TBL1XR1: variants seen among roughly 807,000 people sequenced by gnomAD.
TBL1XR1 encodes the protein F-box-like/WD repeat-containing protein TBL1XR1.
Under a neutral mutation model 66.9 loss-of-function variants are expected in TBL1XR1, and 5 were observed. That is an observed-to-expected ratio of 0.07 (90% confidence interval 0.04 to 0.16). The LOEUF is 0.16. Ranked by LOEUF, TBL1XR1 falls within the 10% of genes least tolerant of loss-of-function variation. The pLI is 1.00. For synonymous variants in TBL1XR1, 210 were observed against 206.0 expected (o/e 1.02, Z -0.17); for missense variants, 238 against 623.2 (o/e 0.38, Z 6.58).
At chr3:177,035,438 G>T (rs7631433) in intron 12 of TBL1XR1, among the ~76,000 whole-genome samples, 1 of 142,928 alleles carries the variant, frequency 7.0e-6, no homozygotes, top group African/African-American at 2.6e-5. Flanking sequence ...TTTTGGAGAT[G>T]AAGTCTCACT....
At chr3:177,052,200 A>C (rs997060170) in intron 4 of TBL1XR1, among the ~76,000 whole-genome samples, 1 of 152,274 alleles carries the variant, frequency 6.6e-6, no homozygotes, top group African/African-American at 2.4e-5. Context: ...AACAGACTTC[A>C]TGGGGCTATA....
chr3:177,143,466 TGTAA>T (rs1480307448), intron 1 of TBL1XR1, among the ~76,000 whole-genome samples: 1 of 152,208 alleles, frequency 6.6e-6, no homozygotes, highest in Non-Finnish European at 1.5e-5. Context: ...TTGTAAATGC[TGTAA>T]GTTTTTTACA....
At chr3:177,122,003 G>C (rs1727031602) in intron 1 of TBL1XR1, among the ~76,000 whole-genome samples, 1 of 152,102 alleles carries the variant, frequency 6.6e-6, no homozygotes, top group Non-Finnish European at 1.5e-5. Flanking sequence ...AATACATTTA[G>C]GATGATCCCA....
intron 10 of TBL1XR1, among the ~76,000 whole-genome samples, chr3:177,043,729 A>G (rs989242439): frequency 6.6e-6 from 1 of 152,028 alleles, no homozygotes. Context: ...AATTTACTGT[A>G]CTTCTGTTTA....
chr3:177,132,769 TAC>T (rs1174063971), intron 1 of TBL1XR1, among the ~76,000 whole-genome samples: 7 of 152,124 alleles, frequency 4.6e-5, no homozygotes, highest in African/African-American at 1.7e-4. Flanking sequence ...TAAGGGTGGC[TAC>T]AGAGTGGCAA....
chr3:177,134,945 C>CTGTGTG (rs10662042), intron 1 of TBL1XR1, among the ~76,000 whole-genome samples: 6,977 of 129,056 alleles, frequency 0.054, 227 homozygotes, highest in South Asian at 0.078. Flanking sequence ...CACTGCAAGG[C>CTGTGTG]TGTGTGTGTG....
chr3:177,119,397 T>TAA (rs1726712456), intron 1 of TBL1XR1, among the ~76,000 whole-genome samples: 1 of 152,232 alleles, frequency 6.6e-6, no homozygotes, highest in Non-Finnish European at 1.5e-5. Context: ...CCATCTCTTT[T>TAA]ATTTTTCCAA....
intron 1 of TBL1XR1, among the ~76,000 whole-genome samples, chr3:177,148,692 A>C (rs1036234747): frequency 2.6e-5 from 4 of 151,680 alleles, no homozygotes; most frequent in African/African-American, 9.7e-5. Context: ...GAGCAACAGA[A>C]TAAGACTCGA....
At chr3:177,087,227 T>TA (rs10713492) in intron 2 of TBL1XR1, among the ~76,000 whole-genome samples, 18,527 of 149,926 alleles carry the variant, frequency 0.12, 1,315 homozygotes, top group African/African-American at 0.18. Context: ...CTTTTTTATT[T>TA]AAAAAAAAAA....
At chr3:177,180,461 T>TG (rs1734686984) in intron 1 of TBL1XR1, among the ~76,000 whole-genome samples, 1 of 148,334 alleles carries the variant, frequency 6.7e-6, no homozygotes, top group South Asian at 2.2e-4. Flanking sequence ...TTACTCTCCT[T>TG]GGAGTTTTTT....
rs1721493926 is a variant in TBL1XR1, at chr3:177,082,310, AT to A, written c.-46+16155del. ...GTTGCTAGAAAAATATCAAACCCTT[AT>A]AACATCAAGTAATTTCATGTTATGT... On this transcript the variant is annotated intron_variant, in intron 2 of 15. Coordinates refer to ENST00000457928, the MANE Select transcript of TBL1XR1 (RefSeq NM_024665.7). Among the ~76,000 whole-genome samples the A allele has an allele frequency of 2.0e-5, 3 of 152,280 alleles. No homozygotes were observed. In the East Asian group the frequency reaches 5.8e-4, roughly 29 times the overall value.
At chr3:177,127,766 C>T (rs1301607964) in intron 1 of TBL1XR1, among the ~76,000 whole-genome samples, 2 of 152,020 alleles carry the variant, frequency 1.3e-5, no homozygotes, top group South Asian at 2.1e-4. Flanking sequence ...AAACATATAC[C>T]GGCAGTTCAC....
chr3:177,029,407 C>G (rs570910932), intron 14 of TBL1XR1, among the ~76,000 whole-genome samples: 1 of 152,168 alleles, frequency 6.6e-6, no homozygotes, highest in East Asian at 1.9e-4. Flanking sequence ...ATCCCTTGAG[C>G]CTAGGGGGTT....
intron 2 of TBL1XR1, among the ~76,000 whole-genome samples, chr3:177,068,458 T>C (rs909667201): frequency 1.3e-5 from 2 of 152,224 alleles, no homozygotes; most frequent in South Asian, 2.1e-4. Context: ...ATGTTCACCA[T>C]GAAATATCAT....
At chr3:177,040,580 G>GAA (rs1715449802) in intron 10 of TBL1XR1, among the ~76,000 whole-genome samples, 1 of 151,914 alleles carries the variant, frequency 6.6e-6, no homozygotes, top group South Asian at 2.1e-4. Context: ...AATGGGAAAA[G>GAA]AAGATTTAAA....
At chr3:177,128,210 C>A (rs1054195733) in intron 1 of TBL1XR1, among the ~76,000 whole-genome samples, 1 of 151,908 alleles carries the variant, frequency 6.6e-6, no homozygotes, top group African/African-American at 2.4e-5. Context: ...CAGAACAAGA[C>A]TCCGTCTCAG....
intron 1 of TBL1XR1, among the ~76,000 whole-genome samples, chr3:177,126,411 T>G (rs776373937): frequency 1.6e-4 from 25 of 152,228 alleles, no homozygotes; most frequent in Admixed American, 1.2e-3. Context: ...ACATCGGTTA[T>G]GTAATAAAAT....
chr3:177,188,658 T>C (rs945825317), intron 1 of TBL1XR1, among the ~76,000 whole-genome samples: 1 of 152,090 alleles, frequency 6.6e-6, no homozygotes, highest in Non-Finnish European at 1.5e-5. Context: ...AAGGGGAAAA[T>C]AGGTGGCAAA....
At chr3:177,161,915 A>C (rs1732259519) in intron 1 of TBL1XR1, among the ~76,000 whole-genome samples, 1 of 152,052 alleles carries the variant, frequency 6.6e-6, no homozygotes, top group Non-Finnish European at 1.5e-5. Context: ...GACACCACAC[A>C]CTCCCACTCA....
Sources: allele counts gnomAD v4.1 joint callset (sites outside exome capture counted in the v4.1 genomes callset), GRCh38; gene constraint gnomAD v4.1.1; transcripts MANE v1.5; gene names NCBI Gene and HGNC (gene_info 2026-07-23, HGNC 2026-07-21).